EDNRB: variants seen among roughly 807,000 people sequenced by gnomAD.
EDNRB encodes Hirschsprung disease 2.
A neutral mutation model predicts 46.4 loss-of-function variants in EDNRB; 18 were observed. That is an observed-to-expected ratio of 0.39 (90% CI 0.27 to 0.57). EDNRB has a LOEUF of 0.57. Among genes scored for constraint, EDNRB ranks in the 20% least tolerant of loss-of-function variants. The probability of loss-of-function intolerance (pLI) is 0.61; values close to 1 mark genes in which losing one functional copy is unlikely to be tolerated. For missense variants in EDNRB, 434 were observed against 537.5 expected (o/e 0.81, Z 1.90); for synonymous variants, 213 against 204.9 (o/e 1.04, Z -0.34).
chr13:77,964,675 G>A (rs1237251451), intron 1 of EDNRB, among the ~76,000 whole-genome samples: 1 of 152,162 alleles, frequency 6.6e-6, no homozygotes, highest in East Asian at 1.9e-4. Context: ...TATACCTAAT[G>A]TAAATGAAGA....
At chr13:77,952,508 C>T (rs562312616) in intron 1 of EDNRB, among the ~76,000 whole-genome samples, 1 of 152,222 alleles carries the variant, frequency 6.6e-6, no homozygotes, top group East Asian at 1.9e-4. Flanking sequence ...CAGCAAGTCC[C>T]AGCCTCATTT....
chr13:77,958,075 A>C (rs1432626370), intron 1 of EDNRB, among the ~76,000 whole-genome samples: 1 of 152,202 alleles, frequency 6.6e-6, no homozygotes, highest in Non-Finnish European at 1.5e-5. Context: ...CCAATGAGGA[A>C]GTGTGAATGT....
At chr13:77,940,410 G>A (rs1594387103) in intron 1 of EDNRB, among the ~76,000 whole-genome samples, 1 of 152,038 alleles carries the variant, frequency 6.6e-6, no homozygotes, top group East Asian at 1.9e-4. Flanking sequence ...AATGGAGATA[G>A]GGGATTTCAG....
chr13:77,957,476 T>G (rs533890450), intron 1 of EDNRB, among the ~76,000 whole-genome samples: 9 of 152,338 alleles, frequency 5.9e-5, no homozygotes, highest in African/African-American at 2.2e-4. Context: ...TAATTTTACT[T>G]AGGCATCACA....
chr13:77,966,697 C>T lies in EDNRB; in HGVS notation c.-52+8650G>A, dbSNP rs78384265. Among the ~76,000 whole-genome samples, 43 of 152,238 alleles carry T rather than the reference C, an allele frequency of 2.8e-4. No homozygotes were observed. In the East Asian group the frequency reaches 5.2e-3, roughly 18 times the overall value. ...AAAATAAAATTTGGAACTTCTTTTG[C>T]GCAGTTACTCTTTCAACATAGATAA... On this transcript the variant is annotated intron_variant, in intron 1 of 7. Coordinates refer to the EDNRB transcript ENST00000646948.
In EDNRB at chr13:77,897,148, A is replaced by C. The variant is rs201954689; in HGVS notation, c.*1052T>G. 1.0e-6 allele frequency: 1 copy of C among 985,626 alleles called. No individual in the cohort carries two copies. The highest frequency in any genetic ancestry group is 4.7e-5 in the South Asian group (1 of 21,292). The allele number at this position is 985,626 out of a possible 1,614,324, so 61.1% of individuals were successfully genotyped here. A position where few individuals can be genotyped will look rare whatever the true frequency, so the allele number is the denominator to read the frequency against. On this transcript the variant is annotated 3_prime_UTR_variant, in exon 7 of 7. Coordinates refer to ENST00000646607, the MANE Select transcript of EDNRB (RefSeq NM_001122659.3). ...TGCCCCTTTGTCATGTGGACACTGC[A>C]CCAGGCAGTTCACAGTCTTTATTAT...
At chr13:77,906,185 T>C (rs950847885) in intron 1 of EDNRB, among the ~76,000 whole-genome samples, 24 of 151,788 alleles carry the variant, frequency 1.6e-4, no homozygotes, top group Admixed American at 6.6e-5. Context: ...AGGTTTACCA[T>C]GTGCATGGTG....
chr13:77,910,787 T>G (rs1326590717), intron 1 of EDNRB, among the ~76,000 whole-genome samples: 2 of 151,970 alleles, frequency 1.3e-5, no homozygotes, highest in Admixed American at 1.3e-4. Context: ...GGGAATCTAT[T>G]TCACACACAT....
chr13:77,932,102 C>A (rs1639397241), intron 1 of EDNRB, among the ~76,000 whole-genome samples: 2 of 150,350 alleles, frequency 1.3e-5, no homozygotes. Flanking sequence ...TAGGAATAGA[C>A]CCAAAACTGG....
At chr13:77,921,651 A>G (rs149731042), upstream of EDNRB, among the ~76,000 whole-genome samples, 286 of 152,372 alleles carry the variant, frequency 1.9e-3, 2 homozygotes, top group African/African-American at 6.7e-3. Context: ...TGTTCTAGAC[A>G]TCAGTAATAT....
chr13:77,905,990 CAGTGT>C (rs1174734929), intron 1 of EDNRB, among the ~76,000 whole-genome samples: 3 of 151,856 alleles, frequency 2.0e-5, no homozygotes, highest in African/African-American at 7.3e-5. Flanking sequence ...TGTTGCTGCC[CAGTGT>C]AGAATAGAAT....
intron 1 of EDNRB, among the ~76,000 whole-genome samples, chr13:77,928,484 TATG>T (rs1433849940): frequency 6.6e-6 from 1 of 152,214 alleles, no homozygotes; most frequent in Admixed American, 6.5e-5. Context: ...AGCTAAAGAA[TATG>T]ATATTTTAAG....
chr13:77,960,502 A>C (rs1245923512), intron 1 of EDNRB, among the ~76,000 whole-genome samples: 5 of 152,158 alleles, frequency 3.3e-5, no homozygotes, highest in African/African-American at 1.2e-4. Context: ...AGATTTTGTC[A>C]CACCAGGCCT....
At chr13:77,956,575 GC>G (rs766555872) in intron 1 of EDNRB, among the ~76,000 whole-genome samples, 2 of 152,132 alleles carry the variant, frequency 1.3e-5, no homozygotes, top group African/African-American at 4.8e-5. Flanking sequence ...CCTTGTATTA[GC>G]TTTTTATTAC....
intron 1 of EDNRB, among the ~76,000 whole-genome samples, chr13:77,962,389 A>G (rs1454372121): frequency 6.6e-6 from 1 of 152,230 alleles, no homozygotes; most frequent in Non-Finnish European, 1.5e-5. Flanking sequence ...TCAATAAAAT[A>G]CTGGCAAAGC....
At chr13:77,967,337 G>A (rs1164871664) in intron 1 of EDNRB, among the ~76,000 whole-genome samples, 5 of 152,138 alleles carry the variant, frequency 3.3e-5, no homozygotes, top group Non-Finnish European at 7.4e-5. Context: ...GTTGGCCAAT[G>A]AGATGTGAGC....
chr13:77,940,055 C>T (rs368031021), intron 1 of EDNRB: 2 of 151,278 alleles, frequency 1.3e-5, no homozygotes, highest in East Asian at 1.9e-4. Flanking sequence ...ATGTACAGAC[C>T]CATGTTCTTA....
At chr13:77,926,984 G>A (rs942979994) in intron 1 of EDNRB, among the ~76,000 whole-genome samples, 13 of 152,198 alleles carry the variant, frequency 8.5e-5, no homozygotes, top group African/African-American at 2.9e-4. Flanking sequence ...TCAGTACCAT[G>A]AGAACAGTAT....
intron 1 of EDNRB, among the ~76,000 whole-genome samples, chr13:77,914,615 T>A (rs1879723397): frequency 6.6e-6 from 1 of 152,206 alleles, no homozygotes; most frequent in Admixed American, 6.5e-5. Flanking sequence ...CTAAGTGTCC[T>A]CAGACACTTC....
Sources: allele counts gnomAD v4.1 joint callset (sites outside exome capture counted in the v4.1 genomes callset), GRCh38; gene constraint gnomAD v4.1.1; transcripts MANE v1.5; gene names NCBI Gene and HGNC (gene_info 2026-07-23, HGNC 2026-07-21).